The following CAST variants were observed in gnomAD, a reference collection of about 807,000 sequenced individuals.
CAST encodes the protein calpastatin, also known as MIR583 host.
In CAST, 76 loss-of-function variants were observed where a neutral mutation model predicts 119.6. That is an observed-to-expected ratio of 0.64 (90% CI 0.53 to 0.77). The LOEUF (loss-of-function observed/expected upper bound fraction) is 0.77. CAST is among the 30% of genes least tolerant of loss of function. The pLI, the probability that CAST is intolerant of heterozygous loss-of-function variation, is 0.00. For synonymous variants in CAST, 319 were observed against 331.6 expected (o/e 0.96, Z 0.41); for missense variants, 953 against 946.5 (o/e 1.01, Z -0.09).
At chr5:96,664,534 T>C (rs1302984035) in intron 1 of CAST, among the ~76,000 whole-genome samples, 1 of 152,182 alleles carries the variant, frequency 6.6e-6, no homozygotes, top group Non-Finnish European at 1.5e-5. Flanking sequence ...AATGTTGGAT[T>C]ACAGGCATGA....
intron 1 of CAST, among the ~76,000 whole-genome samples, chr5:96,647,795 G>A (rs1361800545): frequency 6.6e-6 from 1 of 152,116 alleles, no homozygotes; most frequent in Non-Finnish European, 1.5e-5. Context: ...ATGGCCCTGC[G>A]TGCACCTTGA....
chr5:96,641,230 G>T (rs190332948), intron 1 of CAST, among the ~76,000 whole-genome samples: 1 of 151,550 alleles, frequency 6.6e-6, no homozygotes, highest in African/African-American at 2.4e-5. Flanking sequence ...AGAAATAAAG[G>T]GAAAATAAAA....
chr5:96,184,618 T>C, the CAST span, among the ~76,000 whole-genome samples: 1 of 150,948 alleles, frequency 6.6e-6, no homozygotes, highest in South Asian at 2.1e-4. Context: ...TGGTTTTCTC[T>C]TCCTGTGTTA....
chr5:96,731,003 G>C (rs1300705349), intron 9 of CAST, 143 bp downstream of exon 9: 3 of 641,060 alleles, frequency 4.7e-6, no homozygotes, highest in African/African-American at 1.8e-5. Context: ...ATGCATTTAA[G>C]GGATAGAGAG....
In CAST at chr5:96,688,533, G is replaced by A. The variant is rs144999105; in HGVS notation, c.139-7303G>A. 6.2e-3 allele frequency among the ~76,000 whole-genome samples: 947 copies of A among 152,220 alleles called. 10 individuals carry two copies. Among genetic ancestry groups the A allele is most frequent in the African/African-American group, 0.022 (898 of 41,536 alleles). On this transcript the variant is annotated intron_variant, in intron 2 of 31. Transcript: ENST00000675179. ...ATCATAGCGCTGATATACTGACGAA[G>A]GCATTTTTAATACTGTGTTTTGAAA...
At chr5:96,690,258 G>T (rs1327115127) in intron 2 of CAST, among the ~76,000 whole-genome samples, 1 of 152,028 alleles carries the variant, frequency 6.6e-6, no homozygotes, top group Non-Finnish European at 1.5e-5. Context: ...TTGAGATGGG[G>T]TCTTGCTCTG....
chr5:96,425,786 G>T, the CAST span: 1 of 1,180,354 alleles, frequency 8.5e-7, no homozygotes, highest in African/African-American at 1.5e-5. Flanking sequence ...CAGGTCCCAG[G>T]TCCCACCCAC....
intron 1 of CAST, among the ~76,000 whole-genome samples, chr5:96,620,288 C>CTTTT (rs60552077): frequency 0.097 from 13,024 of 134,358 alleles, 632 homozygotes; most frequent in South Asian, 0.17. Context: ...AGTTCTTTTT[C>CTTTT]TTTTTTTTTT....
chr5:96,381,401 T>A, the CAST span, among the ~76,000 whole-genome samples: 1,220 of 152,164 alleles, frequency 8.0e-3, 13 homozygotes, highest in Non-Finnish European at 0.012. Flanking sequence ...GTGTGAGTGG[T>A]GTATGATTCC....
At chr5:96,320,228 CTTTTTTTTTTT>C in the CAST span, among the ~76,000 whole-genome samples, 5 of 97,372 alleles carry the variant, frequency 5.1e-5, no homozygotes, top group South Asian at 4.4e-4. Context: ...AAGGCTTTTG[CTTTTTTTTTTT>C]TTTTTTTTTT....
intron 1 of CAST, among the ~76,000 whole-genome samples, chr5:96,623,341 C>T (rs927644371): frequency 1.4e-4 from 21 of 152,196 alleles, no homozygotes; most frequent in Admixed American, 8.5e-4. Flanking sequence ...AACATGAATA[C>T]ATGGGCATGA....
At chr5:96,541,168 C>T (rs757527378) in intron 1 of CAST, among the ~76,000 whole-genome samples, 13 of 152,054 alleles carry the variant, frequency 8.5e-5, no homozygotes, top group Non-Finnish European at 1.6e-4. Flanking sequence ...TTTATGAAAT[C>T]GTTTATGTGT....
intron 3 of CAST, among the ~76,000 whole-genome samples, chr5:96,702,511 G>A (rs1411353650): frequency 6.6e-6 from 1 of 152,202 alleles, no homozygotes; most frequent in African/African-American, 2.4e-5. Flanking sequence ...GTCTTCGGGG[G>A]AGCATATTTG....
chr5:96,275,754 A>G, the CAST span, among the ~76,000 whole-genome samples: 10 of 152,344 alleles, frequency 6.6e-5, no homozygotes, highest in South Asian at 2.1e-4. Flanking sequence ...AGAATCTAAA[A>G]TAGTTTGGTC....
chr5:96,133,988 G>A, the CAST span, among the ~76,000 whole-genome samples: 3 of 152,180 alleles, frequency 2.0e-5, no homozygotes, highest in Non-Finnish European at 4.4e-5. Flanking sequence ...AACAAGTGAT[G>A]TGGGCACACA....
At chr5:96,152,789 G>A in the CAST span, among the ~76,000 whole-genome samples, 1 of 151,864 alleles carries the variant, frequency 6.6e-6, no homozygotes. Flanking sequence ...AATGTAAATA[G>A]AGAAGGAAGG....
the CAST span, among the ~76,000 whole-genome samples, chr5:96,270,163 C>CA: frequency 6.6e-6 from 1 of 151,748 alleles, no homozygotes; most frequent in Non-Finnish European, 1.5e-5. Context: ...CAATAGATGC[C>CA]AAAAAAAGCA....
the CAST span, among the ~76,000 whole-genome samples, chr5:96,299,838 A>T: frequency 4.6e-5 from 7 of 151,930 alleles, no homozygotes; most frequent in Admixed American, 4.6e-4. Flanking sequence ...TGATGATGTG[A>T]TTTTTTTTGT....
At chr5:96,735,309 C>T (rs1347199017) in intron 9 of CAST, among the ~76,000 whole-genome samples, 1 of 152,216 alleles carries the variant, frequency 6.6e-6, no homozygotes, top group Non-Finnish European at 1.5e-5. Flanking sequence ...CCTTGGCAGT[C>T]AGAGCCTGTG....
Sources: allele counts gnomAD v4.1 joint callset (sites outside exome capture counted in the v4.1 genomes callset), GRCh38; gene constraint gnomAD v4.1.1; transcripts MANE v1.5; gene names NCBI Gene and HGNC (gene_info 2026-07-23, HGNC 2026-07-21).